GLCCI1: variants seen among roughly 807,000 people sequenced by gnomAD.
GLCCI1 encodes glucocorticoid induced 1.
Under a neutral mutation model 52.2 loss-of-function variants are expected in GLCCI1, and 24 were observed. The observed-to-expected ratio is 0.46, with a 90% CI of 0.33 to 0.65. The LOEUF is 0.65. Ranked by LOEUF, GLCCI1 falls within the 30% of genes least tolerant of loss-of-function variation. The pLI is 0.02. For missense variants in GLCCI1, 704 were observed against 701.5 expected, an observed-to-expected ratio of 1.00 and a Z score of -0.04; for synonymous variants, 310 against 276.5, an observed-to-expected ratio of 1.12 and a Z score of -1.20.
chr7:7,997,727 A>T (rs767907351), intron 1 of GLCCI1, among the ~76,000 whole-genome samples: 2 of 152,124 alleles, frequency 1.3e-5, no homozygotes, highest in South Asian at 2.1e-4. Context: ...CAGGAATTCA[A>T]GACCAGCCTG....
intron 2 of GLCCI1, among the ~76,000 whole-genome samples, chr7:8,018,999 A>G (rs1332635650): frequency 6.6e-6 from 1 of 152,228 alleles, no homozygotes; most frequent in Non-Finnish European, 1.5e-5. Flanking sequence ...CCTGATTGAA[A>G]TGGTAAAACA....
intron 5 of GLCCI1, among the ~76,000 whole-genome samples, chr7:8,067,753 C>T (rs974866591): frequency 3.9e-5 from 6 of 152,176 alleles, no homozygotes; most frequent in Admixed American, 1.3e-4. Context: ...GGTGGGTGAC[C>T]TGCCTATTCT....
intron 2 of GLCCI1, among the ~76,000 whole-genome samples, chr7:8,015,139 CAT>C (rs1035825612): frequency 4.6e-5 from 7 of 152,282 alleles, no homozygotes; most frequent in Admixed American, 1.3e-4. Flanking sequence ...TGAACTAAAA[CAT>C]ATATATTCTT....
chr7:8,039,974 G>A (rs1349392678), intron 3 of GLCCI1, among the ~76,000 whole-genome samples: 3 of 147,308 alleles, frequency 2.0e-5, no homozygotes, highest in Non-Finnish European at 3.0e-5. Context: ...TCCAGCCCGG[G>A]TGACAGAGCA....
At chr7:8,012,072 TCCAAAGTGC>T (rs1160538747) in intron 2 of GLCCI1, among the ~76,000 whole-genome samples, 3 of 152,022 alleles carry the variant, frequency 2.0e-5, no homozygotes, top group African/African-American at 7.2e-5. Context: ...GCCTCGGCCT[TCCAAAGTGC>T]TAGGATTACA....
chr7:7,990,452 C>G (rs989715818), intron 1 of GLCCI1, among the ~76,000 whole-genome samples: 5 of 151,960 alleles, frequency 3.3e-5, no homozygotes, highest in African/African-American at 1.2e-4. Context: ...ATGCTATCCT[C>G]CAATATGTTA....
At chr7:8,052,992 G>A (rs1782292501) in intron 3 of GLCCI1, among the ~76,000 whole-genome samples, 1 of 143,628 alleles carries the variant, frequency 7.0e-6, no homozygotes, top group Admixed American at 7.3e-5. Context: ...GAGGATAAGG[G>A]TTTTGGTTTT....
chr7:8,062,629 C>G (rs1368027203), intron 5 of GLCCI1, among the ~76,000 whole-genome samples: 7 of 152,160 alleles, frequency 4.6e-5, no homozygotes, highest in African/African-American at 1.7e-4. Flanking sequence ...TCTTCTAACC[C>G]TCAAGTAGGC....
chr7:8,061,268 T>A (rs12702692), intron 5 of GLCCI1, among the ~76,000 whole-genome samples: 60,905 of 151,514 alleles, frequency 0.4, 12,445 homozygotes, highest in Middle Eastern at 0.51. Flanking sequence ...CCCGGCTAAT[T>A]TTTTTGTATT....
At chr7:8,054,797 G>T (rs937619177) in intron 3 of GLCCI1, among the ~76,000 whole-genome samples, 19 of 151,882 alleles carry the variant, frequency 1.3e-4, no homozygotes, top group Non-Finnish European at 2.6e-4. Flanking sequence ...TGAATTCCAG[G>T]TCATATTATA....
At chr7:8,033,533 C>T (rs1035997337) in intron 3 of GLCCI1, among the ~76,000 whole-genome samples, 1 of 147,796 alleles carries the variant, frequency 6.8e-6, no homozygotes, top group Non-Finnish European at 1.5e-5. Context: ...ATTATTATAA[C>T]TAATAAGTTT....
At chr7:8,081,604 A>C (rs1395869767) in intron 6 of GLCCI1, among the ~76,000 whole-genome samples, 1 of 152,212 alleles carries the variant, frequency 6.6e-6, no homozygotes, top group Non-Finnish European at 1.5e-5. Context: ...AGATATAATA[A>C]AAATCAGAAG....
intron 1 of GLCCI1, among the ~76,000 whole-genome samples, chr7:8,000,058 T>A (rs1038854262): frequency 6.6e-6 from 1 of 152,250 alleles, no homozygotes. Context: ...GCTCAAGTTA[T>A]TCACTTAGAA....
intron 3 of GLCCI1, among the ~76,000 whole-genome samples, chr7:8,033,363 T>G (rs1318894200): frequency 6.6e-6 from 1 of 152,150 alleles, no homozygotes; most frequent in African/African-American, 2.4e-5. Context: ...CACTGTCATC[T>G]TGTCACCACT....
intron 1 of GLCCI1, among the ~76,000 whole-genome samples, chr7:7,990,209 A>G (rs188937159): frequency 1.3e-5 from 2 of 152,234 alleles, no homozygotes; most frequent in East Asian, 1.9e-4. Flanking sequence ...ATCTAAAACT[A>G]TCATCTGAGA....
intron 2 of GLCCI1, among the ~76,000 whole-genome samples, chr7:8,006,104 T>TA (rs1210508418): frequency 4.6e-5 from 7 of 152,144 alleles, no homozygotes; most frequent in African/African-American, 1.7e-4. Flanking sequence ...GGCCCAGAAA[T>TA]ATTATCTTAT....
At chr7:7,974,820 A>G (rs188317108) in intron 1 of GLCCI1, among the ~76,000 whole-genome samples, 73 of 152,284 alleles carry the variant, frequency 4.8e-4, no homozygotes, top group African/African-American at 1.8e-3. Context: ...TCCAGACACC[A>G]CTAAGATAGA....
intron 3 of GLCCI1, among the ~76,000 whole-genome samples, chr7:8,053,003 G>GTTT (rs1782292849): frequency 1.8e-5 from 2 of 112,858 alleles, no homozygotes; most frequent in African/African-American, 6.8e-5. Flanking sequence ...TTTTGGTTTT[G>GTTT]TATTATTTAT....
intron 3 of GLCCI1, among the ~76,000 whole-genome samples, chr7:8,053,320 T>TG (rs1782304631): frequency 1.0e-5 from 1 of 95,750 alleles, no homozygotes; most frequent in Non-Finnish European, 2.2e-5. Context: ...TTTTCGTTTT[T>TG]TTTTTTGTTT....
Sources: allele counts gnomAD v4.1 joint callset (sites outside exome capture counted in the v4.1 genomes callset), GRCh38; gene constraint gnomAD v4.1.1; transcripts MANE v1.5; gene names NCBI Gene and HGNC (gene_info 2026-07-23, HGNC 2026-07-21).